Variants in ERN1 observed in about 807,000 individuals in gnomAD.
ERN1 encodes the protein serine/threonine-protein kinase/endoribonuclease IRE1.
ERN1 carries 39 observed loss-of-function variants against 113.1 expected under a neutral mutation model. The observed-to-expected ratio is 0.34, with a 90% CI of 0.27 to 0.45. The LOEUF is 0.45. ERN1 is among the 20% of genes least tolerant of loss of function. ERN1 has a pLI of 1.00. For synonymous variants in ERN1, 507 were observed against 515.9 expected (o/e 0.98, Z 0.23); for missense variants, 976 against 1,274.8 (o/e 0.77, Z 3.57).
intron 10 of ERN1, 98 bp from the exon 11 acceptor site, chr17:64,060,685 C>T: frequency 1.3e-6 from 1 of 798,780 alleles, no homozygotes; most frequent in South Asian, 1.5e-5. Context: ...ACTGAGGGGT[C>T]CACAATGCAA....
At chr17:64,051,714 G>A (rs1482848180) in intron 17 of ERN1, among the ~76,000 whole-genome samples, 2 of 152,174 alleles carry the variant, frequency 1.3e-5, no homozygotes, top group Admixed American at 6.5e-5. Flanking sequence ...AGAATCAAAT[G>A]TAACGCAAGA....
intron 1 of ERN1, among the ~76,000 whole-genome samples, chr17:64,108,994 G>T (rs1392620182): frequency 6.6e-6 from 1 of 151,998 alleles, no homozygotes; most frequent in Admixed American, 6.6e-5. Flanking sequence ...CGTGGTGGCG[G>T]GCACCTGTAA....
chr17:64,061,060 C>G (rs998037859), intron 10 of ERN1, among the ~76,000 whole-genome samples: 7 of 152,140 alleles, frequency 4.6e-5, no homozygotes, highest in South Asian at 2.1e-4. Flanking sequence ...GAGCTTCCAT[C>G]GGGGAAAGTG....
chr17:64,086,217 C>T (rs1017140701), intron 2 of ERN1, among the ~76,000 whole-genome samples: 1 of 152,224 alleles, frequency 6.6e-6, no homozygotes, highest in Non-Finnish European at 1.5e-5. Flanking sequence ...AAAACACACA[C>T]CCATGTAACT....
chr17:64,044,856 T>C lies in ERN1; in HGVS notation c.2721+4A>G. 1 of 1,579,820 alleles carries C rather than the reference T, an allele frequency of 6.3e-7. No individual in the cohort carries two copies. The highest frequency in any genetic ancestry group is 8.6e-7 in the Non-Finnish European group (1 of 1,159,902). Reference sequence around the variant, plus strand: ...CTCCTCCCCAGCATTTACAAACTGCTTACCTTATTTCTCATGGCTCGGAGG... The same window carrying C: ...CTCCTCCCCAGCATTTACAAACTGCCTACCTTATTTCTCATGGCTCGGAGG... On this transcript the variant is annotated splice_donor_region_variant and intron_variant, in intron 21 of 21. Coordinates refer to ENST00000433197, the MANE Select transcript of ERN1 (RefSeq NM_001433.5). This position sits in a 1 kb window ranked among gnomAD's most constrained non-coding sequence, Gnocchi z 4.1.
intron 4 of ERN1, among the ~76,000 whole-genome samples, chr17:64,079,170 A>G (rs1241491501): frequency 6.6e-6 from 1 of 152,134 alleles, no homozygotes; most frequent in Non-Finnish European, 1.5e-5. Context: ...ATTGGGCCCT[A>G]TGTTCTAGGT....
At chr17:64,092,368 C>T (rs1265175637) in intron 2 of ERN1, among the ~76,000 whole-genome samples, 1 of 152,152 alleles carries the variant, frequency 6.6e-6, no homozygotes, top group Non-Finnish European at 1.5e-5. Context: ...AAGAGACACT[C>T]ACGTGAGAAT....
rs556887858 is a variant in ERN1, at chr17:64,053,239, G to A, written c.2053+33C>T. The A allele has an allele frequency of 2.0e-4, 315 of 1,538,514 alleles. 2 individuals are homozygous for A. The South Asian group carries it at 3.3e-3, about 16-fold the overall frequency. ...CCTGGGCCACTGATTCTCCCCACCC[G>A]GGCCGCTGGCCTGGTAAAGTGCAGC... On this transcript the variant is annotated intron_variant, in intron 16 of 21. Transcript: ENST00000433197.
chr17:64,066,806 C>G lies in ERN1; in HGVS notation c.707G>C (p.Gly236Ala). 6.2e-7 allele frequency: 1 copy of G among 1,613,962 alleles called. No homozygotes were observed. The highest frequency in any genetic ancestry group is 8.5e-7 in the Non-Finnish European group (1 of 1,179,890). ...ATTGATGTGCATCACCTTCCTCAGA[C>G]CCTCCCGCTGCCAGACATAAAAGGC... ...VVAFYVWQRE[G>A]LRKVMHINVA... The change falls in exon 8 of 22, where the codon GGT becomes GCT. Residue 236 changes from glycine to alanine, a missense_variant. Coordinates refer to ENST00000433197, the MANE Select transcript of ERN1 (RefSeq NM_001433.5).
intron 1 of ERN1, among the ~76,000 whole-genome samples, chr17:64,124,944 G>C (rs1447254102): frequency 6.6e-6 from 1 of 152,198 alleles, no homozygotes; most frequent in Non-Finnish European, 1.5e-5. Context: ...ACAGAAAGTA[G>C]ATTTGTGGTT....
chr17:64,122,306 G>A (rs953850300), intron 1 of ERN1, among the ~76,000 whole-genome samples: 1 of 152,142 alleles, frequency 6.6e-6, no homozygotes, highest in African/African-American at 2.4e-5. Context: ...ATGCCTGAGA[G>A]AGGGTGCCCC....
Position 64,102,712 on chromosome 17 carries a change from T to C in ERN1, c.55-4471A>G, listed in dbSNP as rs151007382. ...ACGCTGCTTCACAAAGATGAACTTGTGCCTTGTCTTTGCCCAGCCATTTCA... is the reference window on the plus strand; with the variant it reads ...ACGCTGCTTCACAAAGATGAACTTGCGCCTTGTCTTTGCCCAGCCATTTCA... On this transcript the variant is annotated intron_variant, in intron 1 of 21. Coordinates refer to ENST00000433197, the MANE Select transcript of ERN1 (RefSeq NM_001433.5). The C allele has an allele frequency of 8.9e-3, 8,780 of 985,432 alleles. 47 individuals are homozygous for C. The highest frequency in any genetic ancestry group is 9.8e-3 in the Non-Finnish European group (8,148 of 829,924). 61.0% of individuals were successfully genotyped at this position (985,432 alleles called of 1,614,324 possible).
rs569021263 is a variant in ERN1 at position 64,076,668 on chromosome 17, C to T, written c.283-1421G>A. 2.4e-3 allele frequency among the ~76,000 whole-genome samples: 370 copies of T among 151,504 alleles called. 2 individuals carry two copies. The highest frequency in any genetic ancestry group is 4.9e-3 in the Admixed American group (74 of 15,224). On this transcript the variant is annotated intron_variant, in intron 4 of 21. Transcript: ENST00000433197. ...AGGCTGAAGTGCAGTGGCGTGATCT[C>T]GGCTCACTGCAAGCTCCGCCTCCCG...
chr17:64,128,281 G>C (rs1250749943), intron 1 of ERN1, among the ~76,000 whole-genome samples: 6 of 151,734 alleles, frequency 4.0e-5, no homozygotes, highest in Non-Finnish European at 7.4e-5. Flanking sequence ...AAAGTGCTGG[G>C]ATTACAGGCA....
intron 1 of ERN1, among the ~76,000 whole-genome samples, chr17:64,119,262 GCAAT>G (rs1244259793): frequency 2.0e-5 from 3 of 149,820 alleles, no homozygotes; most frequent in African/African-American, 7.4e-5. Flanking sequence ...GCTGATAAAA[GCAAT>G]TTCAACAGTT....
At chr17:64,046,558 CAA>C (rs1422357632) in intron 19 of ERN1, among the ~76,000 whole-genome samples, 1 of 152,210 alleles carries the variant, frequency 6.6e-6, no homozygotes, top group Non-Finnish European at 1.5e-5. Context: ...CCATATGCTA[CAA>C]CATGGAAGAC....
At chr17:64,081,488 T>C (rs1913767302) in intron 2 of ERN1, among the ~76,000 whole-genome samples, 1 of 152,146 alleles carries the variant, frequency 6.6e-6, no homozygotes, top group Non-Finnish European at 1.5e-5. Flanking sequence ...GGCAAAAAAT[T>C]AAGGCTTCTA....
chr17:64,091,733 T>C (rs1353714867), intron 2 of ERN1, among the ~76,000 whole-genome samples: 3 of 151,898 alleles, frequency 2.0e-5, no homozygotes, highest in Admixed American at 2.0e-4. Flanking sequence ...GTAGGGCACC[T>C]GCTGGGCAGG....
At position 64,043,520 on chromosome 17, in the gene ERN1, C is replaced by G. The variant is rs748413532; in HGVS notation, c.*468G>C. 1.1e-4 allele frequency: 17 copies of G among 155,334 alleles called. No individual in the cohort carries two copies. The highest frequency in any genetic ancestry group is 3.3e-4 in the Admixed American group (5 of 15,336). 9.6% of individuals were successfully genotyped at this position (155,334 alleles called of 1,614,324 possible). ...ACACCCTCTGAACTCCGTCCTCCCC[C>G]TCCTCAGCATCCCCCACCTCTCAAT... On this transcript the variant is annotated 3_prime_UTR_variant, in exon 22 of 22. Coordinates refer to ENST00000433197, the MANE Select transcript of ERN1 (RefSeq NM_001433.5).
Sources: allele counts gnomAD v4.1 joint callset (sites outside exome capture counted in the v4.1 genomes callset), GRCh38; gene constraint gnomAD v4.1.1; non-coding constraint Gnocchi (gnomAD v3.1); transcripts MANE v1.5; gene names NCBI Gene and HGNC (gene_info 2026-07-23, HGNC 2026-07-21).